Variants in CTTNBP2 observed in about 807,000 individuals in gnomAD.
The protein encoded by CTTNBP2 is cortactin-binding protein 2.
CTTNBP2 carries 108 observed loss-of-function variants against 156.9 expected under a neutral mutation model. That is an observed-to-expected ratio of 0.69 (90% CI 0.59 to 0.81). CTTNBP2 has a LOEUF of 0.81. Ranked by LOEUF, CTTNBP2 falls within the 30% of genes least tolerant of loss-of-function variation. CTTNBP2 has a pLI of 0.00. For missense variants in CTTNBP2, 1,924 were observed against 2,035.4 expected (o/e 0.95, Z 1.05); for synonymous variants, 767 against 751.8 (o/e 1.02, Z -0.33).
chr7:117,826,060 C>T (rs915012593), intron 2 of CTTNBP2, among the ~76,000 whole-genome samples: 1 of 152,132 alleles, frequency 6.6e-6, no homozygotes, highest in African/African-American at 2.4e-5. Context: ...TGTTCTTTCT[C>T]TTCAATTGCA....
In CTTNBP2 at chr7:117,780,531, CTG is replaced by C. The variant is rs1364311472; in HGVS notation, c.2431_2432del (p.Gln811AspfsTer8). On this transcript the variant is annotated frameshift_variant, in exon 7 of 23. Coordinates refer to ENST00000160373, the MANE Select transcript of CTTNBP2 (RefSeq NM_033427.3). LOFTEE classifies it high-confidence loss of function. Reference protein sequence around the residue: ...ANINHAADGGQTPLYLACKNG... With the variant: ...ANINHAADGGXTPLYLACKNG... ...TTTTACAGGCCAGGTATAGAGGTGTCTGTCCTCCATCAGCAGCATGATTAATG... is the reference window on the plus strand; with the variant it reads ...TTTTACAGGCCAGGTATAGAGGTGTCTCCTCCATCAGCAGCATGATTAATG... 1 of 1,595,980 alleles carries C rather than the reference CTG, an allele frequency of 6.3e-7. No individual in the cohort carries two copies. The highest frequency in any genetic ancestry group is 1.4e-5 in the African/African-American group (1 of 74,020).
In CTTNBP2 at chr7:117,832,841, G is replaced by A. The variant is rs1048269326; in HGVS notation, c.190-21852C>T. 3.3e-5 allele frequency among the ~76,000 whole-genome samples: 5 copies of A among 150,174 alleles called. No homozygotes were observed. The South Asian group carries it at 1.1e-3, about 32-fold the overall frequency. On this transcript the variant is annotated intron_variant, in intron 2 of 22. Coordinates refer to ENST00000160373, the MANE Select transcript of CTTNBP2 (RefSeq NM_033427.3). ...AGCTCACTGCAACCTCTGCCTCCTG[G>A]GTTCAAGCAATTCTCCTGCCTCAGC...
rs1192207335 is a variant in CTTNBP2 at position 117,768,729 on chromosome 7, G to C, written c.2779-1553C>G. 5.9e-5 allele frequency among the ~76,000 whole-genome samples: 9 copies of C among 152,180 alleles called. No homozygotes were observed. The South Asian group carries it at 1.9e-3, about 32-fold the overall frequency. On this transcript the variant is annotated intron_variant, in intron 8 of 22. Coordinates refer to ENST00000160373, the MANE Select transcript of CTTNBP2 (RefSeq NM_033427.3). The stretch of plus-strand genomic sequence containing the variant: ...ACAATTAACTCCTCCATCCCCCGCA[G>C]AGGCAACTACTATCTGCTTTCTAAT...
intron 16 of CTTNBP2, among the ~76,000 whole-genome samples, chr7:117,733,046 TAGAA>T (rs1361879537): frequency 6.6e-6 from 1 of 152,210 alleles, no homozygotes; most frequent in Non-Finnish European, 1.5e-5. Flanking sequence ...TAAATACTAG[TAGAA>T]AGCCTAGTAT....
chr7:117,786,388 G>T, intron 4 of CTTNBP2: 1 of 445,894 alleles, frequency 2.2e-6, no homozygotes. Flanking sequence ...ATACTTACAA[G>T]AAGGCTCCTC....
chr7:117,760,344 T>C, intron 10 of CTTNBP2, 91 bp downstream of exon 10: 1 of 1,295,778 alleles, frequency 7.7e-7, no homozygotes, highest in Admixed American at 2.1e-5. Flanking sequence ...TGAATGTGCT[T>C]AATCAATGAA....
intron 1 of CTTNBP2, among the ~76,000 whole-genome samples, chr7:117,870,589 T>C (rs1288019602): frequency 6.6e-6 from 1 of 152,236 alleles, no homozygotes; most frequent in Non-Finnish European, 1.5e-5. Context: ...AGAATGTTGG[T>C]TGGCTTCCCA....
chr7:117,826,028 T>C (rs1289985634), intron 2 of CTTNBP2, among the ~76,000 whole-genome samples: 1 of 152,206 alleles, frequency 6.6e-6, no homozygotes, highest in African/African-American at 2.4e-5. Context: ...TGTTTTCATG[T>C]GTGTGTCCAC....
rs1798184298 is a variant in CTTNBP2 at position 117,777,709 on chromosome 7, C to G, written c.2580G>C (p.Lys860Asn). 3 of 1,613,942 alleles carry G rather than the reference C, an allele frequency of 1.9e-6. No individual in the cohort carries two copies. Among genetic ancestry groups the G allele is most frequent in the Non-Finnish European group, 2.5e-6 (3 of 1,179,948 alleles). ...CTGGTATTCTATGGTACATAAGAAG[C>G]TTGAGGCTGTCCACATTACCAGTGT... The part of the protein sequence containing the change: ...AVDTGNVDSL[K>N]LLMYHRIPAH... The change falls in exon 8 of 23, where the codon AAG (lysine) becomes AAC (asparagine). Residue 860 changes from lysine to asparagine, a missense_variant. Coordinates refer to ENST00000160373, the MANE Select transcript of CTTNBP2 (RefSeq NM_033427.3).
intron 7 of CTTNBP2, among the ~76,000 whole-genome samples, chr7:117,778,655 C>G (rs778926629): frequency 6.6e-6 from 1 of 152,150 alleles, no homozygotes; most frequent in Admixed American, 6.5e-5. Flanking sequence ...TTCTAATACA[C>G]TAAAGTTTGA....
chr7:117,835,800 T>C (rs1801901158), intron 2 of CTTNBP2, among the ~76,000 whole-genome samples: 2 of 152,218 alleles, frequency 1.3e-5, no homozygotes, highest in Admixed American at 1.3e-4. Context: ...ACGGGGGCTC[T>C]GGTTTTCAAC....
intron 19 of CTTNBP2, among the ~76,000 whole-genome samples, chr7:117,723,649 A>G (rs1278657977): frequency 6.6e-6 from 1 of 152,226 alleles, no homozygotes; most frequent in Non-Finnish European, 1.5e-5. Flanking sequence ...CAGACGTGTT[A>G]CATCTTCTTT....
intron 1 of CTTNBP2, among the ~76,000 whole-genome samples, chr7:117,867,444 A>C (rs1804277547): frequency 6.6e-6 from 1 of 152,042 alleles, no homozygotes; most frequent in Non-Finnish European, 1.5e-5. Context: ...TAGTAAACTT[A>C]TTATCTCTAT....
At chr7:117,815,337 C>T (rs1800513259) in intron 2 of CTTNBP2, among the ~76,000 whole-genome samples, 1 of 152,036 alleles carries the variant, frequency 6.6e-6, no homozygotes, top group African/African-American at 2.4e-5. Flanking sequence ...AGTGCACTCA[C>T]AACACAGAAT....
chr7:117,737,872 C>A (rs991810664), intron 14 of CTTNBP2, among the ~76,000 whole-genome samples: 1 of 152,212 alleles, frequency 6.6e-6, no homozygotes, highest in African/African-American at 2.4e-5. Context: ...GCCACTGCAC[C>A]TGGCCAGCAT....
At chr7:117,732,940 CTTTT>C (rs1562959531) in intron 16 of CTTNBP2, among the ~76,000 whole-genome samples, 2 of 152,158 alleles carry the variant, frequency 1.3e-5, no homozygotes, top group African/African-American at 2.4e-5. Context: ...TTATATAACT[CTTTT>C]ATATTTTTTA....
chr7:117,729,553 T>C (rs946247253), intron 16 of CTTNBP2, among the ~76,000 whole-genome samples: 1 of 152,100 alleles, frequency 6.6e-6, no homozygotes, highest in Non-Finnish European at 1.5e-5. Flanking sequence ...AGTGTACTCA[T>C]GAAATACAGA....
intron 2 of CTTNBP2, among the ~76,000 whole-genome samples, chr7:117,812,992 T>A (rs1037028647): frequency 6.6e-6 from 1 of 152,140 alleles, no homozygotes; most frequent in African/African-American, 2.4e-5. Context: ...TGAAAACCTC[T>A]CTCCTTTTCC....
At chr7:117,820,091 C>A (rs1800866028) in intron 2 of CTTNBP2, among the ~76,000 whole-genome samples, 1 of 152,242 alleles carries the variant, frequency 6.6e-6, no homozygotes, top group Non-Finnish European at 1.5e-5. Context: ...AGTGCTCATG[C>A]TCTGATGTGG....
Sources: gnomAD v4.1 joint callset for allele counts (sites outside exome capture counted in the v4.1 genomes callset) on GRCh38, gnomAD v4.1.1 for gene constraint, MANE v1.5 for transcripts, NCBI Gene and HGNC (gene_info 2026-07-23, HGNC 2026-07-21) for gene names.